EXOC4: variants seen among roughly 807,000 people sequenced by gnomAD.
EXOC4 encodes the protein SEC8-like 1.
A neutral mutation model predicts 107.2 loss-of-function variants in EXOC4; 71 were observed. The observed-to-expected ratio is 0.66, with a 90% CI of 0.55 to 0.81. The LOEUF is 0.81. Among genes scored for constraint, EXOC4 ranks in the 30% least tolerant of loss-of-function variants. The pLI is 0.00. For synonymous variants in EXOC4, 456 were observed against 441.2 expected, an observed-to-expected ratio of 1.03 and a Z score of -0.42; for missense variants, 1,108 against 1,189.6, an observed-to-expected ratio of 0.93 and a Z score of 1.01.
At chr7:133,286,791 A>G (rs1038107689) in intron 2 of EXOC4, among the ~76,000 whole-genome samples, 3 of 152,126 alleles carry the variant, frequency 2.0e-5, no homozygotes, top group Admixed American at 2.0e-4. Context: ...GTACTGTTTA[A>G]TATGTCCCAC....
chr7:133,766,476 A>G (rs759644227), intron 10 of EXOC4, among the ~76,000 whole-genome samples: 1 of 151,972 alleles, frequency 6.6e-6, no homozygotes, highest in Non-Finnish European at 1.5e-5. Flanking sequence ...TAGTTGAAAA[A>G]TCTTTATCTA....
intron 10 of EXOC4, among the ~76,000 whole-genome samples, chr7:133,815,050 A>C (rs1263651279): frequency 6.6e-6 from 1 of 152,154 alleles, no homozygotes; most frequent in Non-Finnish European, 1.5e-5. Context: ...ATGCAAGCTG[A>C]AACCATGCAA....
chr7:133,533,752 A>G (rs535467392), intron 9 of EXOC4, among the ~76,000 whole-genome samples: 108 of 152,272 alleles, frequency 7.1e-4, no homozygotes, highest in Middle Eastern at 3.4e-3. Flanking sequence ...TATAGAAACT[A>G]TAGTATGATG....
At chr7:133,301,710 C>A (rs1794644783) in intron 3 of EXOC4, among the ~76,000 whole-genome samples, 2 of 151,986 alleles carry the variant, frequency 1.3e-5, no homozygotes, top group African/African-American at 4.8e-5. Context: ...TTGGCTTGAA[C>A]CTTATTTCTA....
intron 6 of EXOC4, among the ~76,000 whole-genome samples, chr7:133,361,597 T>C (rs551588778): frequency 6.6e-5 from 10 of 152,320 alleles, no homozygotes; most frequent in African/African-American, 2.2e-4. Flanking sequence ...ATGATACCAA[T>C]TTTTCATGTA....
At chr7:134,096,034 G>C in the EXOC4 span, among the ~76,000 whole-genome samples, 1 of 151,612 alleles carries the variant, frequency 6.6e-6, no homozygotes, top group African/African-American at 2.4e-5. Context: ...CCACAGAATG[G>C]GAGAAAATAT....
intron 10 of EXOC4, among the ~76,000 whole-genome samples, chr7:133,685,701 C>G (rs535696018): frequency 6.2e-4 from 95 of 152,250 alleles, no homozygotes; most frequent in African/African-American, 2.2e-3. Context: ...TGAGAAAGAA[C>G]AAGTATACCT....
intron 9 of EXOC4, among the ~76,000 whole-genome samples, chr7:133,625,649 T>C (rs1430779158): frequency 6.6e-6 from 1 of 152,222 alleles, no homozygotes; most frequent in Non-Finnish European, 1.5e-5. Context: ...GACCAGCCTA[T>C]GAACACTAAG....
At chr7:133,335,366 C>A (rs1230446324) in intron 5 of EXOC4, among the ~76,000 whole-genome samples, 1 of 152,144 alleles carries the variant, frequency 6.6e-6, no homozygotes, top group Non-Finnish European at 1.5e-5. Flanking sequence ...TCTTTGTCCA[C>A]CTCCACCAAC....
chr7:133,795,677 A>G (rs1796798789), intron 10 of EXOC4, among the ~76,000 whole-genome samples: 1 of 152,190 alleles, frequency 6.6e-6, no homozygotes, highest in Admixed American at 6.5e-5. Flanking sequence ...AACCCATGAA[A>G]AAGATAAAAC....
At chr7:133,499,953 A>C (rs1432814179) in intron 9 of EXOC4, among the ~76,000 whole-genome samples, 1 of 152,112 alleles carries the variant, frequency 6.6e-6, no homozygotes, top group African/African-American at 2.4e-5. Context: ...TAGCGGTGTG[A>C]GAACAGACTA....
Position 133,688,789 on chromosome 7 carries a change from T to G in EXOC4, c.1514+58648T>G, listed in dbSNP as rs541680257. ...TCCTGTGTGAAAGTGTTGACATTTATATTACACTCTGAATACTTAAGAAAC... is the reference window on the plus strand; with the variant it reads ...TCCTGTGTGAAAGTGTTGACATTTAGATTACACTCTGAATACTTAAGAAAC... On this transcript the variant is annotated intron_variant, in intron 10 of 17. Transcript: ENST00000253861. 1.2e-4 allele frequency among the ~76,000 whole-genome samples: 19 copies of G among 152,274 alleles called. No individual in the cohort carries two copies. In the East Asian group the frequency reaches 3.7e-3, roughly 29 times the overall value.
intron 9 of EXOC4, among the ~76,000 whole-genome samples, chr7:133,577,127 C>A (rs772632023): frequency 6.6e-6 from 1 of 152,026 alleles, no homozygotes; most frequent in Non-Finnish European, 1.5e-5. Flanking sequence ...AGTGATAGGG[C>A]CGGAACAGAC....
intron 10 of EXOC4, among the ~76,000 whole-genome samples, chr7:133,799,457 T>C (rs1476535926): frequency 6.6e-6 from 1 of 152,198 alleles, no homozygotes; most frequent in Non-Finnish European, 1.5e-5. Flanking sequence ...TCTCAGCCCA[T>C]ACACCGCTGA....
At chr7:133,566,346 C>A (rs2150955057) in intron 9 of EXOC4, among the ~76,000 whole-genome samples, 1 of 152,194 alleles carries the variant, frequency 6.6e-6, no homozygotes, top group South Asian at 2.1e-4. Context: ...AGAGTTATTT[C>A]TCATTTGTGT....
chr7:134,004,766 G>T, intron 15 of EXOC4, 146 bp from the exon 16 acceptor site: 1 of 632,302 alleles, frequency 1.6e-6, no homozygotes, highest in African/African-American at 1.8e-5. Flanking sequence ...GGCACAAATA[G>T]GGTACACAGT....
intron 13 of EXOC4, among the ~76,000 whole-genome samples, chr7:133,935,188 T>A (rs563791438): frequency 5.3e-5 from 8 of 151,996 alleles, no homozygotes; most frequent in Non-Finnish European, 7.4e-5. Context: ...GGTCACCCGA[T>A]GTTTGAGAAG....
intron 7 of EXOC4, among the ~76,000 whole-genome samples, chr7:133,436,444 C>A (rs768152971): frequency 5.9e-5 from 9 of 151,954 alleles, no homozygotes; most frequent in Non-Finnish European, 1.0e-4. Flanking sequence ...GTAATTAGAA[C>A]CTTTCTCTTT....
rs115857387 is a variant in EXOC4, at chr7:133,634,361, G to A, written c.1514+4220G>A. On this transcript the variant is annotated intron_variant, in intron 10 of 17. Coordinates refer to ENST00000253861, the MANE Select transcript of EXOC4 (RefSeq NM_021807.4). ...TTTACAGTCAGGCATGTCTCTTAGA[G>A]AGTAAATTTCTGGAAAGAAATGGGC... Among the ~76,000 whole-genome samples, 783 of 152,232 alleles carry A rather than the reference G, an allele frequency of 5.1e-3. 5 individuals are homozygous for A. The highest frequency in any genetic ancestry group is 0.017 in the Middle Eastern group (5 of 294).
Sources: allele counts gnomAD v4.1 joint callset (sites outside exome capture counted in the v4.1 genomes callset), GRCh38; gene constraint gnomAD v4.1.1; transcripts MANE v1.5; gene names NCBI Gene and HGNC (gene_info 2026-07-23, HGNC 2026-07-21).